Variants in PIK3R4 observed in about 807,000 individuals in gnomAD.
PIK3R4 encodes phosphoinositide-3-kinase regulatory subunit 4.
PIK3R4 carries 46 observed loss-of-function variants against 136.5 expected under a neutral mutation model. The observed-to-expected ratio is 0.34, with a 90% CI of 0.27 to 0.43. PIK3R4 has a LOEUF of 0.43. Ranked by LOEUF, PIK3R4 falls within the 20% of genes least tolerant of loss-of-function variation. The pLI is 1.00. For missense variants in PIK3R4, 1,331 were observed against 1,649.5 expected (o/e 0.81, Z 3.35); for synonymous variants, 557 against 566.7 (o/e 0.98, Z 0.24).
chr3:130,700,686 T>C (rs1206564706), intron 13 of PIK3R4, among the ~76,000 whole-genome samples: 1 of 152,350 alleles, frequency 6.6e-6, no homozygotes, highest in East Asian at 1.9e-4. Flanking sequence ...AAACTCCTCT[T>C]AGTCAGAATG....
At chr3:130,718,227 G>A (rs140389453) in intron 8 of PIK3R4, among the ~76,000 whole-genome samples, 162 bp downstream of exon 8, 125 of 152,254 alleles carry the variant, frequency 8.2e-4, no homozygotes, top group African/African-American at 3.0e-3. Flanking sequence ...ACCTTCAAAG[G>A]TGCTTGGTTC....
In PIK3R4 at chr3:130,705,578, C is replaced by T; in HGVS notation, c.2915G>A (p.Ser972Asn). The change falls in exon 12 of 20, where the codon AGT becomes AAT. Residue 972 changes from serine to asparagine, a missense_variant. Around this residue, in one of 2 missense-constraint regions of PIK3R4, gnomAD observed 1,180 missense variants for 1,407.0 expected, o/e 0.84. Transcript: ENST00000356763. ...ACTTTTACCAGGTGGTGGTGGTTTA[C>T]TCTCCCATTCAGCATTTTCCATCAT... ...KQMMENAEWE[S>N]KPPPPGWRPK... The T allele has an allele frequency of 6.2e-7, 1 of 1,611,690 alleles. No homozygotes were observed. Among genetic ancestry groups the T allele is most frequent in the African/African-American group, 1.3e-5 (1 of 74,972 alleles).
chr3:130,705,192 T>C (rs935984394), intron 12 of PIK3R4, among the ~76,000 whole-genome samples: 6 of 152,176 alleles, frequency 3.9e-5, no homozygotes, highest in African/African-American at 1.2e-4. Flanking sequence ...TCTTAAATAA[T>C]ATTAATGAAA....
In PIK3R4 at chr3:130,746,467, G is replaced by A. The variant is rs937591195; in HGVS notation, c.-196C>T. On this transcript the variant is annotated 5_prime_UTR_variant, in exon 1 of 20. Coordinates refer to ENST00000356763, the MANE Select transcript of PIK3R4 (RefSeq NM_014602.3). The stretch of plus-strand genomic sequence containing the variant: ...TTCATAGACAGGAGATGGGCTGTTG[G>A]TGGAGGGGCGCAGAAAAGTCCCGAT... 2.6e-5 allele frequency: 4 copies of A among 152,402 alleles called. No individual in the cohort carries two copies. Among genetic ancestry groups the A allele is most frequent in the African/African-American group, 9.6e-5 (4 of 41,568 alleles). 9.4% of individuals were successfully genotyped at this position (152,402 alleles called of 1,614,324 possible). A position where few individuals can be genotyped will look rare whatever the true frequency, so the allele number is the denominator to read the frequency against.
chr3:130,719,619 T>C (rs1377540076), intron 7 of PIK3R4, among the ~76,000 whole-genome samples: 1 of 152,158 alleles, frequency 6.6e-6, no homozygotes, highest in Non-Finnish European at 1.5e-5. Context: ...AAATGAGGAC[T>C]GGAAAAACAT....
rs753945702 is a variant in PIK3R4 at position 130,734,040 on chromosome 3, A to G, written c.958T>C (p.Phe320Leu). 3 of 1,614,030 alleles carry G rather than the reference A, an allele frequency of 1.9e-6. No homozygotes were observed. Residue 320 changes from phenylalanine (F) to leucine (L), a missense_variant, in exon 4 of 20, where the codon TTT becomes CTT. Physicochemically the swap from Phe to Leu is conservative, Grantham distance 22. Around this residue, in one of 2 missense-constraint regions of PIK3R4, gnomAD observed 1,180 missense variants for 1,407.0 expected, o/e 0.84. Transcript: ENST00000356763. ...ATGTAGGGCTGAAGAAAAGTGTAAAATATTTCAGGAAAGGCATTGCCACGC... is the reference window on the plus strand; with the variant it reads ...ATGTAGGGCTGAAGAAAAGTGTAAAGTATTTCAGGAAAGGCATTGCCACGC... The part of the protein sequence containing the change: ...QQRGNAFPEI[F>L]YTFLQPYMAQ...
chr3:130,708,253 C>A, intron 10 of PIK3R4, 38 bp downstream of exon 10: 2 of 1,507,416 alleles, frequency 1.3e-6, no homozygotes, highest in Admixed American at 1.7e-5. Context: ...AAATAACTAA[C>A]AACAACAAGC....
chr3:130,706,557 T>C (rs1487268211), intron 11 of PIK3R4, among the ~76,000 whole-genome samples: 1 of 152,232 alleles, frequency 6.6e-6, no homozygotes, highest in Non-Finnish European at 1.5e-5. Context: ...ATGACATTTA[T>C]CACACGTAGG....
intron 2 of PIK3R4, among the ~76,000 whole-genome samples, chr3:130,743,255 T>TAAA (rs200120779): frequency 2.8e-4 from 39 of 141,084 alleles, no homozygotes; most frequent in African/African-American, 9.6e-4. Flanking sequence ...CCAAAAATGT[T>TAAA]AAAAAAAAAA....
rs764369182 is a variant in PIK3R4, at chr3:130,745,234, T to C, written c.-16A>G. ...GATTTCCCATAATGGCAAGCACCTC[T>C]GTGGTCTTTAGTAAGGTTAGGATAT... is the stretch of plus-strand genomic sequence containing the variant. On this transcript the variant is annotated 5_prime_UTR_variant, in exon 2 of 20. Transcript: ENST00000356763. 7.0e-6 allele frequency: 11 copies of C among 1,577,126 alleles called. No individual in the cohort carries two copies. The East Asian group carries it at 1.6e-4, about 22-fold the overall frequency.
At chr3:130,726,809 TAG>T (rs1299109814) in intron 6 of PIK3R4, among the ~76,000 whole-genome samples, 17 of 151,654 alleles carry the variant, frequency 1.1e-4, no homozygotes, top group African/African-American at 4.1e-4. Context: ...AATTGACCAA[TAG>T]ATAGGGGAAG....
At chr3:130,695,581 T>C (rs1009291382) in intron 13 of PIK3R4, among the ~76,000 whole-genome samples, 3 of 152,126 alleles carry the variant, frequency 2.0e-5, no homozygotes, top group African/African-American at 7.2e-5. Context: ...AGTCACTTAG[T>C]AGCTGTCCCA....
chr3:130,723,673 C>G, intron 6 of PIK3R4, 86 bp from the exon 7 acceptor site: 1 of 1,111,836 alleles, frequency 9.0e-7, no homozygotes, highest in African/African-American at 1.6e-5. Flanking sequence ...TAAGCAAAAG[C>G]CAAACATATT....
chr3:130,714,405 T>C (rs2066649798), intron 9 of PIK3R4, among the ~76,000 whole-genome samples: 1 of 152,212 alleles, frequency 6.6e-6, no homozygotes, highest in Non-Finnish European at 1.5e-5. Flanking sequence ...ATTTCTTTTT[T>C]TCTTGGCTTC....
rs749319872 is a variant in PIK3R4 at position 130,744,528 on chromosome 3, T to A, written c.691A>T (p.Thr231Ser). 9.3e-6 allele frequency: 15 copies of A among 1,614,024 alleles called. No homozygotes were observed. Among genetic ancestry groups the A allele is most frequent in the Non-Finnish European group, 1.3e-5 (15 of 1,180,028 alleles). ...ATTGCTCTCTTCAACTCTCCTCTTG[T>A]TCTCTGATTGCTATTTAAGTCTACA... is the stretch of plus-strand genomic sequence containing the variant. ...PLVDLNSNQR[T>S]RGELKRAMDI... is the part of the protein sequence containing the mutation. The change falls in exon 2 of 20, where the codon ACA (threonine) becomes TCA (serine). Residue 231 changes from threonine to serine, a missense_variant. This residue lies in a region of PIK3R4 where 1,180 missense variants were observed against 1,407.0 expected (regional missense o/e 0.84). Coordinates refer to ENST00000356763, the MANE Select transcript of PIK3R4 (RefSeq NM_014602.3).
At chr3:130,697,232 G>T (rs2066551525) in intron 13 of PIK3R4, among the ~76,000 whole-genome samples, 1 of 151,818 alleles carries the variant, frequency 6.6e-6, no homozygotes, top group Non-Finnish European at 1.5e-5. Flanking sequence ...ACCACGCCTG[G>T]CAAAATTTTT....
intron 13 of PIK3R4, among the ~76,000 whole-genome samples, chr3:130,700,486 G>A (rs1054866770): frequency 1.3e-5 from 2 of 152,204 alleles, no homozygotes; most frequent in Non-Finnish European, 2.9e-5. Flanking sequence ...AGTTGAAAAA[G>A]CTGTGCAAAA....
chr3:130,691,480 T>A (rs1013453412), intron 13 of PIK3R4, among the ~76,000 whole-genome samples: 12 of 152,182 alleles, frequency 7.9e-5, no homozygotes, highest in Non-Finnish European at 2.9e-5. Flanking sequence ...CTGTGTTTTC[T>A]ACTCTCTTTG....
At chr3:130,719,519 TGAA>T (rs2066686699) in intron 7 of PIK3R4, among the ~76,000 whole-genome samples, 1 of 152,186 alleles carries the variant, frequency 6.6e-6, no homozygotes, top group Non-Finnish European at 1.5e-5. Context: ...TAATTATAAA[TGAA>T]GAAGATTTTG....
Sources: gnomAD v4.1 joint callset for allele counts (sites outside exome capture counted in the v4.1 genomes callset) on GRCh38, gnomAD v4.1.1 for gene constraint, gnomAD v4.1.1 regional missense constraint, MANE v1.5 for transcripts, NCBI Gene and HGNC (gene_info 2026-07-23, HGNC 2026-07-21) for gene names.